The following WWP1 variants were observed in gnomAD, a reference collection of about 807,000 sequenced individuals.
The protein encoded by WWP1 is WW domain containing E3 ubiquitin protein ligase 1.
WWP1 carries 49 observed loss-of-function variants against 130.6 expected under a neutral mutation model. That is an observed-to-expected ratio of 0.38 (90% CI 0.30 to 0.48). The LOEUF (loss-of-function observed/expected upper bound fraction) is 0.48. WWP1 is among the 20% of genes least tolerant of loss of function. WWP1 has a pLI of 0.99. For missense variants in WWP1, 809 were observed against 1,100.6 expected, an observed-to-expected ratio of 0.74 and a Z score of 3.75; for synonymous variants, 332 against 367.8, an observed-to-expected ratio of 0.90 and a Z score of 1.11.
At chr8:86,380,998 G>A in intron 4 of WWP1, 134 bp downstream of exon 4, 1 of 1,193,774 alleles carries the variant, frequency 8.4e-7, no homozygotes, top group East Asian at 3.0e-5. Flanking sequence ...TTAAAGTATG[G>A]AGAAATTTTT....
In WWP1 at chr8:86,425,310, A is replaced by ATTTT; in HGVS notation, c.1149_1150insTTTT (p.Pro384PhefsTer10). 6.2e-7 allele frequency: 1 copy of ATTTT among 1,611,710 alleles called. No individual in the cohort carries two copies. Among genetic ancestry groups the ATTTT allele is most frequent in the African/African-American group, 1.3e-5 (1 of 74,958 alleles). On this transcript the variant is annotated frameshift_variant, in exon 10 of 25. Coordinates refer to ENST00000517970, the MANE Select transcript of WWP1 (RefSeq NM_007013.4). LOFTEE classifies it high-confidence loss of function. ...CCACATGGGAGAGACCACAACCTTT[A>ATTTT]CCTCCAGGGTAATATAGCACTCTTT...
At chr8:86,417,827 A>G (rs1369623169) in intron 9 of WWP1, among the ~76,000 whole-genome samples, 1 of 152,140 alleles carries the variant, frequency 6.6e-6, no homozygotes, top group African/African-American at 2.4e-5. Context: ...ATATTATTCC[A>G]GTAGCAAATA....
intron 17 of WWP1, chr8:86,440,650 G>A (rs527786562): frequency 2.2e-6 from 1 of 452,440 alleles, no homozygotes; most frequent in Admixed American, 2.4e-5. Flanking sequence ...CTTCCTTAAT[G>A]TCAGGGAAGT....
chr8:86,368,258 G>A (rs1384094985), intron 1 of WWP1, among the ~76,000 whole-genome samples: 2 of 152,130 alleles, frequency 1.3e-5, no homozygotes, highest in African/African-American at 4.8e-5. Context: ...TACAGGAAAT[G>A]AGCCATGGAA....
chr8:86,366,776 A>G (rs1451502847), intron 1 of WWP1, among the ~76,000 whole-genome samples: 1 of 152,012 alleles, frequency 6.6e-6, no homozygotes, highest in Non-Finnish European at 1.5e-5. Context: ...CAAGTTTAAA[A>G]CCTGATGCTC....
chr8:86,406,036 G>T (rs1405916244), intron 8 of WWP1, among the ~76,000 whole-genome samples: 1 of 152,172 alleles, frequency 6.6e-6, no homozygotes, highest in Non-Finnish European at 1.5e-5. Flanking sequence ...CCATCTGACG[G>T]TTTAGTTGCT....
chr8:86,442,427 C>T (rs1188095528), intron 17 of WWP1, 192 bp from the exon 18 acceptor site: 1 of 414,770 alleles, frequency 2.4e-6, no homozygotes, highest in Non-Finnish European at 4.2e-6. Flanking sequence ...AGTTTGGCCA[C>T]ATCGAAACTA....
chr8:86,398,254 T>G (rs1807787507), intron 5 of WWP1, 88 bp from the exon 6 acceptor site: 1 of 1,415,806 alleles, frequency 7.1e-7, no homozygotes, highest in Non-Finnish European at 9.5e-7. Flanking sequence ...AAGTACTGAA[T>G]TAGAGTGATT....
At chr8:86,364,552 T>C (rs528139961) in intron 1 of WWP1, among the ~76,000 whole-genome samples, 61 of 152,240 alleles carry the variant, frequency 4.0e-4, no homozygotes, top group African/African-American at 1.4e-3. Flanking sequence ...ATAAAAAATA[T>C]TTCAGTGCTT....
At chr8:86,412,010 A>G in intron 9 of WWP1, 136 bp downstream of exon 9, 1 of 836,856 alleles carries the variant, frequency 1.2e-6, no homozygotes, top group African/African-American at 1.7e-5. Context: ...CATACTATTT[A>G]TTTACTTGCT....
At chr8:86,370,383 T>TCATA (rs1349608611) in intron 2 of WWP1, among the ~76,000 whole-genome samples, 1 of 152,222 alleles carries the variant, frequency 6.6e-6, no homozygotes, top group Non-Finnish European at 1.5e-5. Context: ...TATTGCTGTA[T>TCATA]CATAGACAAG....
intron 18 of WWP1, 83 bp downstream of exon 18, chr8:86,442,861 AGC>A: frequency 7.2e-7 from 1 of 1,380,184 alleles, no homozygotes; most frequent in Non-Finnish European, 9.7e-7. Context: ...AAAAAGGATA[AGC>A]ATTATATTTG....
intron 1 of WWP1, among the ~76,000 whole-genome samples, chr8:86,361,523 C>G (rs770212850): frequency 3.9e-5 from 6 of 152,120 alleles, no homozygotes; most frequent in Non-Finnish European, 8.8e-5. Flanking sequence ...ATTCTTCATG[C>G]TATAGCTTCT....
chr8:86,419,505 A>C (rs1218470075), intron 9 of WWP1, among the ~76,000 whole-genome samples: 2 of 152,220 alleles, frequency 1.3e-5, no homozygotes, highest in Non-Finnish European at 2.9e-5. Flanking sequence ...CAATGCTATA[A>C]AAATGGAATA....
chr8:86,363,200 G>T (rs528927270), intron 1 of WWP1, among the ~76,000 whole-genome samples: 8 of 152,170 alleles, frequency 5.3e-5, no homozygotes, highest in Non-Finnish European at 1.0e-4. Context: ...AGATGGGGAC[G>T]AGGAAACAAC....
intron 1 of WWP1, among the ~76,000 whole-genome samples, chr8:86,363,608 C>A (rs1448388161): frequency 6.6e-6 from 1 of 151,952 alleles, no homozygotes; most frequent in East Asian, 1.9e-4. Context: ...TCAAGACCAG[C>A]CTGGCCAACA....
At chr8:86,430,594 A>G (rs1190706166) in intron 11 of WWP1, 103 bp from the exon 12 acceptor site, 16 of 978,434 alleles carry the variant, frequency 1.6e-5, no homozygotes, top group Non-Finnish European at 2.3e-5. Flanking sequence ...ATATTTTTAG[A>G]AAATTATTAT....
Position 86,376,076 on chromosome 8 carries a change from G to T in WWP1, c.70+1956G>T, listed in dbSNP as rs561477900. Among the ~76,000 whole-genome samples the T allele has an allele frequency of 8.5e-5, 13 of 152,338 alleles. No individual in the cohort carries two copies. In the South Asian group the frequency reaches 2.7e-3, roughly 32 times the overall value. On this transcript the variant is annotated intron_variant, in intron 3 of 24. Transcript: ENST00000517970. The stretch of plus-strand genomic sequence containing the variant: ...ATAATGGGCATCTATTTTTGAAACA[G>T]TTCTGATGAAGCTGATAGGTACTCC...
intron 14 of WWP1, among the ~76,000 whole-genome samples, chr8:86,432,722 C>G (rs1463374829): frequency 6.6e-6 from 1 of 152,064 alleles, no homozygotes. Flanking sequence ...ATTCTCCTGC[C>G]TCAGCCCCCT....
Sources: allele counts gnomAD v4.1 joint callset (sites outside exome capture counted in the v4.1 genomes callset), GRCh38; gene constraint gnomAD v4.1.1; transcripts MANE v1.5; gene names NCBI Gene and HGNC (gene_info 2026-07-23, HGNC 2026-07-21).